The following RTN4 variants were observed in gnomAD, a reference collection of about 807,000 sequenced individuals.
RTN4 encodes the protein reticulon 4.
Under a neutral mutation model 90.4 loss-of-function variants are expected in RTN4, and 32 were observed. That is an observed-to-expected ratio of 0.35 (90% CI 0.27 to 0.48). The LOEUF is 0.48. Among genes scored for constraint, RTN4 ranks in the 20% least tolerant of loss-of-function variants. The pLI, the probability that RTN4 is intolerant of heterozygous loss-of-function variation, is 0.99. For missense variants in RTN4, 1,706 were observed against 1,430.2 expected, an observed-to-expected ratio of 1.19 and a Z score of -3.11; for synonymous variants, 629 against 552.5, an observed-to-expected ratio of 1.14 and a Z score of -1.94.
intron 1 of RTN4, among the ~76,000 whole-genome samples, chr2:55,094,804 G>C (rs1183359335): frequency 6.6e-6 from 1 of 152,154 alleles, no homozygotes; most frequent in Non-Finnish European, 1.5e-5. Context: ...AGTTACCCCT[G>C]AGTTAGGTCA....
At chr2:55,077,495 G>A (rs1317676402) in intron 2 of RTN4, among the ~76,000 whole-genome samples, 4 of 152,078 alleles carry the variant, frequency 2.6e-5, no homozygotes, top group Non-Finnish European at 4.4e-5. Context: ...TGGTGAAAAG[G>A]AAACACTTTT....
intron 2 of RTN4, among the ~76,000 whole-genome samples, chr2:55,057,229 A>G (rs1426314960): frequency 6.6e-6 from 1 of 152,268 alleles, no homozygotes; most frequent in African/African-American, 2.4e-5. Context: ...TTAGCAAGAA[A>G]GCCAAATAGG....
At chr2:55,072,705 C>T (rs771465846) in intron 2 of RTN4, among the ~76,000 whole-genome samples, 11 of 152,168 alleles carry the variant, frequency 7.2e-5, no homozygotes, top group Non-Finnish European at 1.0e-4. Context: ...CACTTGAGCA[C>T]GTGCCTAATG....
chr2:55,010,371 T>G, intron 3 of RTN4: 1 of 1,311,392 alleles, frequency 7.6e-7, no homozygotes, highest in South Asian at 2.3e-5. Flanking sequence ...CTTCTATCTG[T>G]TGATTGTTTT....
At chr2:54,973,697 G>C in intron 7 of RTN4, 76 bp from the exon 8 acceptor site, 1 of 1,499,384 alleles carries the variant, frequency 6.7e-7, no homozygotes, top group South Asian at 1.1e-5. Context: ...CAAGCTAAAG[G>C]CTTAAGAAAC....
chr2:55,062,865 T>C (rs991715741), intron 2 of RTN4, among the ~76,000 whole-genome samples: 8 of 152,250 alleles, frequency 5.3e-5, no homozygotes, highest in Admixed American at 2.6e-4. Context: ...CCTCAATTTT[T>C]AACAGTGTGT....
rs1204457921 is a variant in RTN4 at position 55,028,212 on chromosome 2, G to C, written c.565C>G (p.Leu189Val). 6.2e-7 allele frequency: 1 copy of C among 1,612,672 alleles called. No homozygotes were observed. Among genetic ancestry groups the C allele is most frequent in the Non-Finnish European group, 8.5e-7 (1 of 1,179,262 alleles). The change falls in exon 2 of 9, where the codon CTT (leucine) becomes GTT (valine). Residue 189 changes from leucine (L) to valine (V), a missense_variant. Transcript: ENST00000337526. ...RGSSGSVDET[L>V]FALPAASEPV... is the part of the protein sequence containing the mutation. ...TCAGATGCAGCAGGAAGAGCAAAAA[G>C]GGTCTCATCTGAAAAACAAATAGAA...
chr2:54,993,074 G>GAA lies in RTN4; in HGVS notation c.3014-5377_3014-5376insTT, dbSNP rs1491430691. On this transcript the variant is annotated intron_variant, in intron 3 of 8. Coordinates refer to ENST00000337526, the MANE Select transcript of RTN4 (RefSeq NM_020532.5). ...GGGCAACAGAGCGAGACTCCATCTC[G>GAA]GAAAAAAAAAAAAAAAAAAGAAAAG... is the stretch of plus-strand genomic sequence containing the variant. Among the ~76,000 whole-genome samples the GAA allele has an allele frequency of 2.4e-3, 192 of 78,988 alleles. 5 individuals carry two copies. The highest frequency in any genetic ancestry group is 6.6e-3 in the African/African-American group (164 of 25,018). 51.8% of individuals were successfully genotyped at this position (78,988 alleles called of 152,430 possible). A position where few individuals can be genotyped will look rare whatever the true frequency, so the allele number is the denominator to read the frequency against.
At chr2:55,136,179 A>ATGTACACT in the RTN4 span, among the ~76,000 whole-genome samples, 1,123 of 152,334 alleles carry the variant, frequency 7.4e-3, 15 homozygotes, top group African/African-American at 0.026. Context: ...GGGCTCAAGC[A>ATGTACACT]TGTACACTAA....
At chr2:55,029,336 A>G (rs1488753102) in intron 1 of RTN4, among the ~76,000 whole-genome samples, 1 of 152,204 alleles carries the variant, frequency 6.6e-6, no homozygotes, top group African/African-American at 2.4e-5. Context: ...GCTAACTAAT[A>G]CACTCTATAT....
intron 3 of RTN4, among the ~76,000 whole-genome samples, chr2:54,990,824 C>T (rs756990842): frequency 3.3e-5 from 5 of 151,822 alleles, no homozygotes; most frequent in Admixed American, 6.6e-5. Flanking sequence ...CTCGCACTGT[C>T]GCCCGGGCTG....
chr2:55,040,859 C>G (rs1274412955), intron 1 of RTN4, among the ~76,000 whole-genome samples: 1 of 151,632 alleles, frequency 6.6e-6, no homozygotes, highest in Admixed American at 6.6e-5. Context: ...CCAATATAAG[C>G]AGCAACTCCA....
rs1417226741 is a variant in RTN4 at position 55,027,285 on chromosome 2, C to G, written c.814G>C (p.Ala272Pro). The G allele has an allele frequency of 6.2e-7, 1 of 1,613,668 alleles. No homozygotes were observed. Among genetic ancestry groups the G allele is most frequent in the East Asian group, 2.2e-5 (1 of 44,866 alleles). The change falls in exon 3 of 9, where the codon GCT (alanine) becomes CCT (proline). Residue 272 changes from alanine to proline, a missense_variant. Coordinates refer to ENST00000337526, the MANE Select transcript of RTN4 (RefSeq NM_020532.5). ...EGTLQENVSEASKEVSEKAKT... is the reference protein window; with the variant it reads ...EGTLQENVSEPSKEVSEKAKT... ...GCCTTCTCTGAGACCTCTTTAGAAG[C>G]TTCACTGACATTTTCTTGAAGTGTT...
intron 5 of RTN4, among the ~76,000 whole-genome samples, chr2:54,981,295 T>TA (rs1386136157): frequency 1.3e-4 from 20 of 150,998 alleles, no homozygotes; most frequent in East Asian, 5.8e-4. Context: ...TTTTTTTTTT[T>TA]AAAAAGCACT....
In RTN4 at chr2:55,025,430, G is replaced by A; in HGVS notation, c.2669C>T (p.Thr890Ile). 1 of 1,613,848 alleles carries A rather than the reference G, an allele frequency of 6.2e-7. No homozygotes were observed. Among genetic ancestry groups the A allele is most frequent in the South Asian group, 1.1e-5 (1 of 91,070 alleles). Residue 890 changes from threonine to isoleucine, a missense_variant, in exon 3 of 9, where the codon ACT (threonine) becomes ATT (isoleucine). By Grantham distance (89) the Thr-to-Ile change is moderately conservative. Transcript: ENST00000337526. ...DSFSKLAREY[T>I]DLEVSHKSEI... ...ACTTTTGTGGGATACTTCTAGGTCA[G>A]TATATTCCCTGGCTAATTTAGAAAA... is the stretch of plus-strand genomic sequence containing the variant.
chr2:55,065,064 ATAAGT>A (rs914326765), intron 2 of RTN4, among the ~76,000 whole-genome samples: 65 of 152,216 alleles, frequency 4.3e-4, no homozygotes, highest in African/African-American at 1.3e-3. Context: ...AATTACAGAG[ATAAGT>A]TGAGTATGTT....
intron 3 of RTN4, among the ~76,000 whole-genome samples, chr2:55,002,294 AG>A: frequency 6.6e-6 from 1 of 152,250 alleles, no homozygotes; most frequent in African/African-American, 2.4e-5. Context: ...CCTGGGCTCA[AG>A]CAGTCCTCCC....
chr2:54,989,011 A>G (rs1678799727), intron 3 of RTN4, among the ~76,000 whole-genome samples: 1 of 152,252 alleles, frequency 6.6e-6, no homozygotes, highest in South Asian at 2.1e-4. Context: ...CTTTCTAAGA[A>G]GAGGTGACAT....
chr2:55,077,449 C>A (rs1204073333), intron 2 of RTN4, among the ~76,000 whole-genome samples: 5 of 151,710 alleles, frequency 3.3e-5, no homozygotes, highest in African/African-American at 7.3e-5. Flanking sequence ...TGGCCATAAT[C>A]AAAAAATCAA....
Sources: gnomAD v4.1 joint callset for allele counts (sites outside exome capture counted in the v4.1 genomes callset) on GRCh38, gnomAD v4.1.1 for gene constraint, MANE v1.5 for transcripts, NCBI Gene and HGNC (gene_info 2026-07-23, HGNC 2026-07-21) for gene names.